Variants in PCDH11X observed in about 807,000 individuals in gnomAD.
PCDH11X encodes protocadherin-11 X-linked.
Under a neutral mutation model 53.3 loss-of-function variants are expected in PCDH11X, and 18 were observed. That is an observed-to-expected ratio of 0.34 (90% CI 0.23 to 0.50). The LOEUF is 0.50. PCDH11X is among the 20% of genes least tolerant of loss of function. The pLI is 0.98. For missense variants in PCDH11X, 570 were observed against 1,032.4 expected, an observed-to-expected ratio of 0.55 and a Z score of 6.14; for synonymous variants, 279 against 393.3, an observed-to-expected ratio of 0.71 and a Z score of 3.44.
intron 10 of PCDH11X, among the ~76,000 whole-genome samples, chrX:92,487,650 T>G (rs1291725120): frequency 1.2e-4 from 13 of 111,220 alleles, no homozygotes; most frequent in Non-Finnish European, 2.3e-4. Flanking sequence ...GAAATAAGTA[T>G]ACTGCAATCT....
intron 6 of PCDH11X, among the ~76,000 whole-genome samples, chrX:92,161,100 T>G: frequency 9.0e-6 from 1 of 111,348 alleles, no homozygotes; most frequent in Middle Eastern, 4.6e-3. Context: ...TTGTGAAGAT[T>G]TTCTCCCACT....
At chrX:92,283,195 A>G (rs770158340) in intron 8 of PCDH11X, among the ~76,000 whole-genome samples, 14 of 111,894 alleles carry the variant, frequency 1.3e-4, no homozygotes, top group Middle Eastern at 9.4e-3. Flanking sequence ...AGTACCATAT[A>G]AAAACAGATA....
At chrX:92,191,699 T>C (rs954499412) in intron 6 of PCDH11X, among the ~76,000 whole-genome samples, 1 of 112,253 alleles carries the variant, frequency 8.9e-6, no homozygotes, top group Non-Finnish European at 1.9e-5. Flanking sequence ...AGTGAAGTTC[T>C]TTTTGCGTTG....
At chrX:92,049,975 A>G (rs1206722843) in intron 6 of PCDH11X, among the ~76,000 whole-genome samples, 1 of 111,655 alleles carries the variant, frequency 9.0e-6, no homozygotes, top group African/African-American at 3.3e-5. Context: ...GGGTTTCGCC[A>G]TGTTGGGCAG....
chrX:91,851,327 T>C lies in PCDH11X; in HGVS notation c.540+15283T>C, dbSNP rs761714585. ...GTCAGATCAAATACACTTGCCACTT[T>C]CATTTAAGAAATAATTACCAATATT... On this transcript the variant is annotated intron_variant, in intron 5 of 10. Transcript: ENST00000682573. Among the ~76,000 whole-genome samples, 293 of 112,015 alleles carry C rather than the reference T, an allele frequency of 2.6e-3. 2 individuals are homozygous for C. The highest frequency in any genetic ancestry group is 9.3e-3 in the African/African-American group (288 of 30,846).
intron 10 of PCDH11X, among the ~76,000 whole-genome samples, chrX:92,576,011 T>A: frequency 3.6e-5 from 1 of 28,086 alleles, no homozygotes; most frequent in Non-Finnish European, 6.3e-5. Flanking sequence ...TATATATATA[T>A]ACACACACAC....
rs1176260193 is a variant in PCDH11X, at chrX:91,960,154, T to G, written c.3033+80881T>G. 6.0e-5 allele frequency among the ~76,000 whole-genome samples: 6 copies of G among 99,442 alleles called. No individual in the cohort carries two copies. The Admixed American group carries it at 6.9e-4, about 11-fold the overall frequency. The allele number at this position is 99,442 out of a possible 115,157, so 86.4% of individuals were successfully genotyped here. A position where few individuals can be genotyped will look rare whatever the true frequency, so the allele number is the denominator to read the frequency against. ...TATTTGGTTTTTGTTTACTCTTGAGTTGTGTTTCTTATATATTTTAGATAT... is the reference window on the plus strand; with the variant it reads ...TATTTGGTTTTTGTTTACTCTTGAGGTGTGTTTCTTATATATTTTAGATAT... On this transcript the variant is annotated intron_variant, in intron 6 of 10. Coordinates refer to ENST00000682573, the MANE Select transcript of PCDH11X (RefSeq NM_032968.5).
chrX:92,595,948 T>G (rs2148802091), intron 10 of PCDH11X, among the ~76,000 whole-genome samples: 1 of 106,673 alleles, frequency 9.4e-6, no homozygotes, highest in East Asian at 3.0e-4. Context: ...TTAAAATTAG[T>G]TTGCCTTCAT....
At chrX:92,174,080 T>G (rs1377859289) in intron 6 of PCDH11X, among the ~76,000 whole-genome samples, 1 of 97,936 alleles carries the variant, frequency 1.0e-5, no homozygotes, top group African/African-American at 3.8e-5. Context: ...AGAAAGACGA[T>G]AAAGATCAAA....
intron 6 of PCDH11X, among the ~76,000 whole-genome samples, chrX:92,064,409 T>G (rs2063572434): frequency 9.1e-6 from 1 of 110,005 alleles, no homozygotes; most frequent in African/African-American, 3.3e-5. Flanking sequence ...GTTCAACATG[T>G]TCAGAAAAAT....
rs185327478 is a variant in PCDH11X at position 92,346,705 on chromosome X, G to A, written c.3145-41030G>A. Among the ~76,000 whole-genome samples the A allele has an allele frequency of 2.0e-3, 220 of 111,648 alleles. 2 individuals are homozygous for A. The East Asian group carries it at 0.046, about 23-fold the overall frequency. On this transcript the variant is annotated intron_variant, in intron 8 of 10. Coordinates refer to ENST00000682573, the MANE Select transcript of PCDH11X (RefSeq NM_032968.5). ...AATTTATTAGATTCTTTTACTTGAC[G>A]TTCAATAATTCATTCTAGTCAAAGA...
In PCDH11X at chrX:92,622,530, T is replaced by G; in HGVS notation, c.*3590T>G. On this transcript the variant is annotated 3_prime_UTR_variant, in exon 11 of 11. Transcript: ENST00000682573. ...TATATTTTTTATTATAATTATTATT[T>G]CTTATCTTTCTTCTTTTATATTTTT... The G allele has an allele frequency of 9.0e-6, 1 of 111,168 alleles. No individual in the cohort carries two copies. The allele number at this position is 111,168 out of a possible 1,213,427, so 9.2% of individuals were successfully genotyped here. A position where few individuals can be genotyped will look rare whatever the true frequency, so the allele number is the denominator to read the frequency against.
intron 6 of PCDH11X, among the ~76,000 whole-genome samples, chrX:91,963,001 C>T (rs1358870171): frequency 8.1e-5 from 9 of 111,281 alleles, no homozygotes; most frequent in Non-Finnish European, 1.7e-4. Context: ...CATTTTTCCC[C>T]CTAAGCCTCT....
chrX:92,061,804 G>T (rs1302991734), intron 6 of PCDH11X, among the ~76,000 whole-genome samples: 8 of 110,839 alleles, frequency 7.2e-5, no homozygotes, highest in Non-Finnish European at 9.5e-5. Flanking sequence ...TTGTTTGTTT[G>T]TTTTTTAGTT....
intron 6 of PCDH11X, among the ~76,000 whole-genome samples, chrX:91,940,866 C>T (rs777139056): frequency 2.8e-5 from 3 of 108,801 alleles, no homozygotes; most frequent in African/African-American, 1.0e-4. Flanking sequence ...TTATAATATA[C>T]GTGATGTAGG....
intron 6 of PCDH11X, among the ~76,000 whole-genome samples, chrX:92,042,489 AG>A (rs904298417): frequency 9.5e-6 from 1 of 104,987 alleles, no homozygotes; most frequent in African/African-American, 3.5e-5. Context: ...TTTTCTTATG[AG>A]CACCTACCAT....
intron 6 of PCDH11X, among the ~76,000 whole-genome samples, chrX:91,939,282 A>G (rs1404874957): frequency 2.7e-5 from 3 of 111,363 alleles, no homozygotes; most frequent in Non-Finnish European, 1.9e-5. Flanking sequence ...ACATAGCAAT[A>G]CAAACTATTC....
chrX:92,265,230 C>T (rs765423987), intron 8 of PCDH11X, among the ~76,000 whole-genome samples: 2 of 109,768 alleles, frequency 1.8e-5, no homozygotes, highest in African/African-American at 3.3e-5. Context: ...CCACCGCACC[C>T]GGCCGATAAG....
intron 6 of PCDH11X, among the ~76,000 whole-genome samples, chrX:92,090,187 G>A (rs1259359625): frequency 9.0e-6 from 1 of 111,609 alleles, no homozygotes. Flanking sequence ...AGTTGTAACT[G>A]TTGGAAATGT....
Sources: allele counts gnomAD v4.1 joint callset (sites outside exome capture counted in the v4.1 genomes callset), GRCh38; gene constraint gnomAD v4.1.1; transcripts MANE v1.5; gene names NCBI Gene and HGNC (gene_info 2026-07-23, HGNC 2026-07-21).